Variants in ATXN10 observed in about 807,000 individuals in gnomAD.
The protein encoded by ATXN10 is ataxin 10.
In ATXN10, 28 loss-of-function variants were observed where a neutral mutation model predicts 52.9. The ratio of observed to expected loss-of-function variants is 0.53; its 90% CI spans 0.39 to 0.73. ATXN10 has a LOEUF of 0.73. Ranked by LOEUF, ATXN10 falls within the 30% of genes least tolerant of loss-of-function variation. The probability of loss-of-function intolerance (pLI) is 0.00; values close to 1 mark genes in which losing one functional copy is unlikely to be tolerated. For synonymous variants in ATXN10, 226 were observed against 221.5 expected (o/e 1.02, Z -0.18); for missense variants, 565 against 577.0 (o/e 0.98, Z 0.21).
At chr22:45,839,348 C>T (rs1395921885) in intron 10 of ATXN10, among the ~76,000 whole-genome samples, 1 of 152,240 alleles carries the variant, frequency 6.6e-6, no homozygotes, top group Admixed American at 6.5e-5. Flanking sequence ...GTGGCTGCGC[C>T]AAGAACCTGC....
In ATXN10 at chr22:45,763,826, T is replaced by C. The variant is rs1926484289; in HGVS notation, c.1173+23288T>C. On this transcript the variant is annotated intron_variant, in intron 9 of 11. Coordinates refer to ENST00000252934, the MANE Select transcript of ATXN10 (RefSeq NM_013236.4). The surrounding 1 kb of genome is among the most constrained non-coding windows in gnomAD (Gnocchi z 6.9). Reference sequence around the variant, plus strand: ...TGGTGCTGGGAACAGCATAGCATGGTGGTGGAGTGGGCTCACTGAGTGAGC... The same window carrying C: ...TGGTGCTGGGAACAGCATAGCATGGCGGTGGAGTGGGCTCACTGAGTGAGC... Among the ~76,000 whole-genome samples the C allele has an allele frequency of 6.6e-6, 1 of 152,230 alleles. No homozygotes were observed. Among genetic ancestry groups the C allele is most frequent in the Non-Finnish European group, 1.5e-5 (1 of 68,042 alleles).
chr22:45,693,482 A>G (rs1365946178), intron 3 of ATXN10, among the ~76,000 whole-genome samples: 1 of 152,128 alleles, frequency 6.6e-6, no homozygotes, highest in Non-Finnish European at 1.5e-5. Flanking sequence ...GGAAGGTGGA[A>G]GGCAGAAGGC....
chr22:45,675,979 T>C (rs939547109), intron 1 of ATXN10: 1 of 152,284 alleles, frequency 6.6e-6, no homozygotes, highest in Non-Finnish European at 1.5e-5. Flanking sequence ...TTGTTTAATG[T>C]AGATATCACC....
At position 45,754,618 on chromosome 22, in the gene ATXN10, C is replaced by G. The variant is rs894334046; in HGVS notation, c.1173+14080C>G. 6.6e-6 allele frequency among the ~76,000 whole-genome samples: 1 copy of G among 152,182 alleles called. No homozygotes were observed. The highest frequency in any genetic ancestry group is 2.1e-4 in the South Asian group (1 of 4,816). The stretch of plus-strand genomic sequence containing the variant: ...CTGTAATCCCAGCACTTTGGGAGGC[C>G]GAGGCCAGCGGATCACCTGAGGTCA... On this transcript the variant is annotated intron_variant, in intron 9 of 11. Transcript: ENST00000252934. This position sits in a 1 kb window ranked among gnomAD's most constrained non-coding sequence, Gnocchi z 5.4.
intron 3 of ATXN10, among the ~76,000 whole-genome samples, chr22:45,693,669 C>T (rs1266680575): frequency 2.0e-5 from 3 of 152,116 alleles, no homozygotes; most frequent in Non-Finnish European, 2.9e-5. Context: ...TGGTCCTAAC[C>T]CCCAATACCC....
At position 45,783,197 on chromosome 22, in the gene ATXN10, G is replaced by A. The variant is rs978775037; in HGVS notation, c.1174-23762G>A. 2.0e-5 allele frequency among the ~76,000 whole-genome samples: 3 copies of A among 152,180 alleles called. No homozygotes were observed. Among genetic ancestry groups the A allele is most frequent in the African/African-American group, 7.2e-5 (3 of 41,444 alleles). ...AGGGTTCCATGAACACGAGCACTGT[G>A]ATACCATGGCAGAATGGCTGGGGAG... is the stretch of plus-strand genomic sequence containing the variant. On this transcript the variant is annotated intron_variant, in intron 9 of 11. Coordinates refer to ENST00000252934, the MANE Select transcript of ATXN10 (RefSeq NM_013236.4). The surrounding 1 kb of genome is among the most constrained non-coding windows in gnomAD (Gnocchi z 5.0).
intron 10 of ATXN10, among the ~76,000 whole-genome samples, chr22:45,839,562 G>A (rs148706708): frequency 5.0e-4 from 76 of 152,246 alleles, no homozygotes; most frequent in Non-Finnish European, 7.2e-4. Flanking sequence ...TATATAAAGC[G>A]GGCATTGTGT....
rs1358433045 is a variant in ATXN10 at position 45,823,033 on chromosome 22, C to T, written c.1237+16011C>T. ...CATCCATCTTTGTTCTTACTTTCCT[C>T]ATGGTGTCTTATTATTTCATTGAGG... On this transcript the variant is annotated intron_variant, in intron 10 of 11. Coordinates refer to ENST00000252934, the MANE Select transcript of ATXN10 (RefSeq NM_013236.4). This position sits in a 1 kb window ranked among gnomAD's most constrained non-coding sequence, Gnocchi z 4.9. 1 of 335,098 alleles carries T rather than the reference C, an allele frequency of 3.0e-6. No homozygotes were observed. The highest frequency in any genetic ancestry group is 2.5e-5 in the South Asian group (1 of 39,902). 20.8% of individuals were successfully genotyped at this position (335,098 alleles called of 1,614,324 possible).
rs1924786284 is a variant in ATXN10 at position 45,724,403 on chromosome 22, C to T, written c.729-5022C>T. 5.3e-5 allele frequency among the ~76,000 whole-genome samples: 8 copies of T among 152,240 alleles called. No individual in the cohort carries two copies. In the South Asian group the frequency reaches 1.5e-3, roughly 28 times the overall value. On this transcript the variant is annotated intron_variant, in intron 6 of 11. Coordinates refer to ENST00000252934, the MANE Select transcript of ATXN10 (RefSeq NM_013236.4). ...GGCATCTCATTGTGGTTTTAATTTG[C>T]ATTTCCCTGATGACTAGTGATGGTG...
Position 45,793,888 on chromosome 22 carries a change from G to A in ATXN10, c.1174-13071G>A, listed in dbSNP as rs1471216663. ...CAGCAACTTTGATTGAAGCAGCAGTGTATAGCAGCAGCAGAGGTGCTGCTC... is the reference window on the plus strand; with the variant it reads ...CAGCAACTTTGATTGAAGCAGCAGTATATAGCAGCAGCAGAGGTGCTGCTC... On this transcript the variant is annotated intron_variant, in intron 9 of 11. Coordinates refer to ENST00000252934, the MANE Select transcript of ATXN10 (RefSeq NM_013236.4). 4 of 1,253,888 alleles carry A rather than the reference G, an allele frequency of 3.2e-6. No individual in the cohort carries two copies. In the Admixed American group the frequency reaches 1.2e-4, roughly 39 times the overall value. 77.7% of individuals were successfully genotyped at this position (1,253,888 alleles called of 1,614,324 possible).
intron 9 of ATXN10, among the ~76,000 whole-genome samples, chr22:45,747,240 G>A (rs1473690621): frequency 1.3e-5 from 2 of 152,170 alleles, no homozygotes; most frequent in African/African-American, 4.8e-5. Context: ...AGTGGCTCAA[G>A]CTTGTAAACC....
chr22:45,843,775 T>C lies in ATXN10; in HGVS notation c.*104T>C, dbSNP rs1250638317. The C allele has an allele frequency of 1.7e-6, 2 of 1,148,006 alleles. No individual in the cohort carries two copies. Among genetic ancestry groups the C allele is most frequent in the Admixed American group, 1.9e-5 (1 of 51,446 alleles). The allele number at this position is 1,148,006 out of a possible 1,614,324, so 71.1% of individuals were successfully genotyped here. A position where few individuals can be genotyped will look rare whatever the true frequency, so the allele number is the denominator to read the frequency against. ...GTGTTTGAAGATTTATAAGTACAAA[T>C]TTGGGAACATACAAATCTTTTAGGT... On this transcript the variant is annotated 3_prime_UTR_variant, in exon 12 of 12. Transcript: ENST00000252934. The surrounding 1 kb of genome is among the most constrained non-coding windows in gnomAD (Gnocchi z 4.5).
chr22:45,824,659 C>G lies in ATXN10; in HGVS notation c.1237+17637C>G, dbSNP rs1295271503. On this transcript the variant is annotated intron_variant, in intron 10 of 11. Transcript: ENST00000252934. This position sits in a 1 kb window ranked among gnomAD's most constrained non-coding sequence, Gnocchi z 5.2. ...CTTACAAAGTGCAGTAAACACATCA[C>G]ATATCCATGGGTATATGGTGGCAGC... Among the ~76,000 whole-genome samples, 1 of 152,234 alleles carries G rather than the reference C, an allele frequency of 6.6e-6. No homozygotes were observed. Among genetic ancestry groups the G allele is most frequent in the Non-Finnish European group, 1.5e-5 (1 of 68,034 alleles).
intron 3 of ATXN10, among the ~76,000 whole-genome samples, chr22:45,698,052 T>C (rs963434096): frequency 6.6e-6 from 1 of 152,266 alleles, no homozygotes; most frequent in Non-Finnish European, 1.5e-5. Context: ...ATTCATTGTT[T>C]GTTGGACATT....
chr22:45,683,981 T>TCGAA lies in ATXN10; in HGVS notation c.117-5729_117-5728insAACG. ...TTCATGTTTTCTTAGAGACAAGGTC[T>TCGAA]CGCTGTGTCACCCAGGCCTGAGTGC... is the stretch of plus-strand genomic sequence containing the variant. On this transcript the variant is annotated intron_variant, in intron 1 of 11. Coordinates refer to ENST00000252934, the MANE Select transcript of ATXN10 (RefSeq NM_013236.4). This position sits in a 1 kb window ranked among gnomAD's most constrained non-coding sequence, Gnocchi z 4.8. Among the ~76,000 whole-genome samples the TCGAA allele has an allele frequency of 6.6e-6, 1 of 152,316 alleles. No homozygotes were observed. Among genetic ancestry groups the TCGAA allele is most frequent in the Middle Eastern group, 3.4e-3 (1 of 292 alleles).
At chr22:45,673,536 C>T (rs192933892) in intron 1 of ATXN10, 2 of 152,302 alleles carry the variant, frequency 1.3e-5, no homozygotes, top group South Asian at 2.1e-4. Flanking sequence ...ATGGACCCTC[C>T]TTTTAGTTAA....
chr22:45,822,024 A>T (rs1443755246), intron 10 of ATXN10, among the ~76,000 whole-genome samples: 81 of 152,218 alleles, frequency 5.3e-4, no homozygotes, highest in Non-Finnish European at 7.4e-5. Flanking sequence ...TCAGCTCCAG[A>T]GTGTGTCTAA....
rs1928723545 is a variant in ATXN10 at position 45,823,587 on chromosome 22, A to G, written c.1237+16565A>G. On this transcript the variant is annotated intron_variant, in intron 10 of 11. Coordinates refer to ENST00000252934, the MANE Select transcript of ATXN10 (RefSeq NM_013236.4). This position sits in a 1 kb window ranked among gnomAD's most constrained non-coding sequence, Gnocchi z 4.9. ...CTGTATTCTCTGTCCCTGGCCTGAT[A>G]CTATACTCTTGTAATCATCGTGACT... Among the ~76,000 whole-genome samples the G allele has an allele frequency of 6.6e-6, 1 of 152,124 alleles. No homozygotes were observed. Among genetic ancestry groups the G allele is most frequent in the Non-Finnish European group, 1.5e-5 (1 of 68,028 alleles).
chr22:45,694,279 A>C (rs769536119), intron 3 of ATXN10, among the ~76,000 whole-genome samples: 1 of 152,176 alleles, frequency 6.6e-6, no homozygotes. Flanking sequence ...TAAAAAAAAA[A>C]CGTAGATTTT....
Sources: gnomAD v4.1 joint callset for allele counts (sites outside exome capture counted in the v4.1 genomes callset) on GRCh38, gnomAD v4.1.1 for gene constraint, Gnocchi (gnomAD v3.1) non-coding constraint, MANE v1.5 for transcripts, NCBI Gene and HGNC (gene_info 2026-07-23, HGNC 2026-07-21) for gene names.